Variants in SPOPL observed in about 807,000 individuals in gnomAD.
SPOPL encodes speckle type BTB/POZ protein like.
A neutral mutation model predicts 53.8 loss-of-function variants in SPOPL; 23 were observed. That is an observed-to-expected ratio of 0.43 (90% CI 0.31 to 0.61). The LOEUF is 0.61. Among genes scored for constraint, SPOPL ranks in the 20% least tolerant of loss-of-function variants. The pLI is 0.12. For synonymous variants in SPOPL, 164 were observed against 149.7 expected (o/e 1.10, Z -0.70); for missense variants, 442 against 466.9 (o/e 0.95, Z 0.49).
In SPOPL at chr2:138,514,753, G is replaced by A. The variant is rs542375344; in HGVS notation, c.-61+12634G>A. On this transcript the variant is annotated intron_variant, in intron 1 of 10. Transcript: ENST00000280098. The stretch of plus-strand genomic sequence containing the variant: ...AATATAATCACTGGGTCATATGTGT[G>A]CCTTGTTCAGTTTTAGTATAACCCA... Among the ~76,000 whole-genome samples, 5 of 152,262 alleles carry A rather than the reference G, an allele frequency of 3.3e-5. No individual in the cohort carries two copies. The South Asian group carries it at 1.0e-3, about 32-fold the overall frequency.
At chr2:138,537,956 G>A (rs953525508) in intron 1 of SPOPL, among the ~76,000 whole-genome samples, 11 of 152,090 alleles carry the variant, frequency 7.2e-5, no homozygotes, top group African/African-American at 2.4e-4. Context: ...GCTGGTTATG[G>A]GGGTCTGTTC....
chr2:138,544,332 T>C (rs1685143066), intron 1 of SPOPL, among the ~76,000 whole-genome samples: 1 of 152,166 alleles, frequency 6.6e-6, no homozygotes, highest in Non-Finnish European at 1.5e-5. Context: ...CCCCCACAGG[T>C]GGAGTCTACA....
intron 1 of SPOPL, among the ~76,000 whole-genome samples, chr2:138,536,323 G>A (rs896192260): frequency 6.7e-6 from 1 of 149,434 alleles, no homozygotes; most frequent in African/African-American, 2.5e-5. Flanking sequence ...CTGTTTTAGT[G>A]GAGTCTATTT....
chr2:138,526,470 G>T (rs753434521), intron 1 of SPOPL, among the ~76,000 whole-genome samples: 2 of 152,028 alleles, frequency 1.3e-5, no homozygotes, highest in Non-Finnish European at 2.9e-5. Flanking sequence ...ATTAAATTGT[G>T]TGTTAATTTT....
intron 1 of SPOPL, among the ~76,000 whole-genome samples, chr2:138,508,147 A>G (rs1684253977): frequency 1.3e-5 from 2 of 152,318 alleles, no homozygotes; most frequent in African/African-American, 4.8e-5. Flanking sequence ...TATTACATCA[A>G]AAAGTCTACA....
chr2:138,520,915 C>G (rs539998699), intron 1 of SPOPL, among the ~76,000 whole-genome samples: 1 of 152,240 alleles, frequency 6.6e-6, no homozygotes, highest in South Asian at 2.1e-4. Flanking sequence ...AGACTATTAA[C>G]ATAGGTACAC....
intron 1 of SPOPL, among the ~76,000 whole-genome samples, chr2:138,532,900 G>A (rs1573884812): frequency 6.6e-6 from 1 of 151,980 alleles, no homozygotes; most frequent in East Asian, 1.9e-4. Flanking sequence ...CTATTTCTCA[G>A]CAGAATTTAG....
intron 1 of SPOPL, among the ~76,000 whole-genome samples, chr2:138,541,436 A>G (rs984769633): frequency 1.3e-5 from 2 of 152,170 alleles, no homozygotes. Context: ...TTATTGGTCT[A>G]TTCAGAGATT....
intron 1 of SPOPL, among the ~76,000 whole-genome samples, chr2:138,534,589 T>G (rs1684887452): frequency 6.6e-6 from 1 of 152,022 alleles, no homozygotes; most frequent in South Asian, 2.1e-4. Context: ...GTGCAGGTAT[T>G]TTTTTTAAAT....
chr2:138,553,355 T>C lies in SPOPL; in HGVS notation c.480+674T>C, dbSNP rs373282411. Among the ~76,000 whole-genome samples the C allele has an allele frequency of 3.9e-5, 6 of 152,268 alleles. No individual in the cohort carries two copies. The East Asian group carries it at 1.2e-3, about 29-fold the overall frequency. ...TAGGTAGTTTTATCTATATGAATTT[T>C]TGAGATTCACCTTTGGACTGAATTC... On this transcript the variant is annotated intron_variant, in intron 5 of 10. Transcript: ENST00000280098.
chr2:138,537,365 G>A (rs1684959434), intron 1 of SPOPL, among the ~76,000 whole-genome samples: 1 of 152,070 alleles, frequency 6.6e-6, no homozygotes, highest in Non-Finnish European at 1.5e-5. Flanking sequence ...ATGATTGGGG[G>A]CTGCATGCAC....
At chr2:138,556,042 GGT>G (rs1468081685) in intron 5 of SPOPL, among the ~76,000 whole-genome samples, 1 of 151,942 alleles carries the variant, frequency 6.6e-6, no homozygotes, top group Non-Finnish European at 1.5e-5. Context: ...CTTAAATATA[GGT>G]GTCAAGAAAA....
At chr2:138,542,845 G>T (rs1267257595) in intron 1 of SPOPL, among the ~76,000 whole-genome samples, 1 of 152,234 alleles carries the variant, frequency 6.6e-6, no homozygotes, top group East Asian at 1.9e-4. Flanking sequence ...GGTCTTTACA[G>T]TTTGGCATGT....
At position 138,564,938 on chromosome 2, in the gene SPOPL, A is replaced by G; in HGVS notation, c.981-2A>G. 1 of 1,614,124 alleles carries G rather than the reference A, an allele frequency of 6.2e-7. No individual in the cohort carries two copies. Among genetic ancestry groups the G allele is most frequent in the African/African-American group, 1.3e-5 (1 of 75,052 alleles). The stretch of plus-strand genomic sequence containing the variant: ...TTAAGTATGTTTAAATCTTCAATGC[A>G]GGTGCAGTGTACTTCGACAACTTGG... On this transcript the variant is annotated splice_acceptor_variant, in intron 9 of 10. Coordinates refer to ENST00000280098, the MANE Select transcript of SPOPL (RefSeq NM_001001664.3). LOFTEE classifies it high-confidence loss of function.
At chr2:138,565,606 T>C (rs1685643616) in intron 10 of SPOPL, among the ~76,000 whole-genome samples, 1 of 152,218 alleles carries the variant, frequency 6.6e-6, no homozygotes, top group Admixed American at 6.5e-5. Context: ...TCTTTGTTAT[T>C]ATTTGAAATC....
At chr2:138,567,555 A>AAG (rs1685691029) in intron 10 of SPOPL, among the ~76,000 whole-genome samples, 1 of 152,126 alleles carries the variant, frequency 6.6e-6, no homozygotes, top group Non-Finnish European at 1.5e-5. Context: ...GTGTCCAGTA[A>AAG]AGGGTTTTCA....
At chr2:138,555,675 A>G (rs184413808) in intron 5 of SPOPL, among the ~76,000 whole-genome samples, 2 of 152,358 alleles carry the variant, frequency 1.3e-5, no homozygotes, top group Non-Finnish European at 2.9e-5. Flanking sequence ...TCAGATTTCG[A>G]AAACTGGAAC....
intron 8 of SPOPL, chr2:138,564,269 G>A (rs1232162902): frequency 6.3e-6 from 1 of 159,872 alleles, no homozygotes; most frequent in Admixed American, 6.1e-5. Flanking sequence ...TGCTCAACAT[G>A]TTATATAACA....
At position 138,505,594 on chromosome 2, in the gene SPOPL, TAAAAAA is replaced by T. The variant is rs1169614974; in HGVS notation, c.-61+3498_-61+3503del. Among the ~76,000 whole-genome samples, 168 of 75,082 alleles carry T rather than the reference TAAAAAA, an allele frequency of 2.2e-3. 2 individuals carry two copies. Among genetic ancestry groups the T allele is most frequent in the Middle Eastern group, 8.8e-3 (1 of 114 alleles). The allele number at this position is 75,082 out of a possible 152,430, so 49.3% of individuals were successfully genotyped here. A position where few individuals can be genotyped will look rare whatever the true frequency, so the allele number is the denominator to read the frequency against. On this transcript the variant is annotated intron_variant, in intron 1 of 10. Transcript: ENST00000280098. ...CAACATGGTGAAACTGTGTCTCTTC[TAAAAAA>T]AAAAAAAAAAAAAAAAAAAAAATAG...
Sources: allele counts gnomAD v4.1 joint callset (sites outside exome capture counted in the v4.1 genomes callset), GRCh38; gene constraint gnomAD v4.1.1; transcripts MANE v1.5; gene names NCBI Gene and HGNC (gene_info 2026-07-23, HGNC 2026-07-21).